GRXCR1: variants seen among roughly 807,000 people sequenced by gnomAD.
GRXCR1 encodes the protein glutaredoxin domain-containing cysteine-rich protein 1.
Under a neutral mutation model 27.3 loss-of-function variants are expected in GRXCR1, and 27 were observed. The ratio of observed to expected loss-of-function variants is 0.99; its 90% CI spans 0.73 to 1.37. The LOEUF (loss-of-function observed/expected upper bound fraction) is 1.37. GRXCR1 is among the 40% of genes most tolerant of loss of function. The probability of loss-of-function intolerance (pLI) is 0.00; values close to 1 mark genes in which losing one functional copy is unlikely to be tolerated. For missense variants in GRXCR1, 379 were observed against 354.4 expected, an observed-to-expected ratio of 1.07 and a Z score of -0.56; for synonymous variants, 122 against 131.1, an observed-to-expected ratio of 0.93 and a Z score of 0.47.
At chr4:43,021,616 A>G (rs1713095122) in intron 3 of GRXCR1, among the ~76,000 whole-genome samples, 1 of 152,200 alleles carries the variant, frequency 6.6e-6, no homozygotes, top group African/African-American at 2.4e-5. Context: ...GCAGACCTAT[A>G]GAAATAACTC....
rs1264434684 is a variant in GRXCR1 at position 42,963,042 on chromosome 4, G to A, written c.535G>A (p.Gly179Ser). The A allele has an allele frequency of 1.2e-6, 2 of 1,612,864 alleles. No homozygotes were observed. Among genetic ancestry groups the A allele is most frequent in the Admixed American group, 1.7e-5 (1 of 59,926 alleles). Residue 179 changes from glycine (G) to serine (S), a missense_variant, in exon 2 of 4, where the codon GGT becomes AGT. Physicochemically the swap from Gly to Ser is moderately conservative, Grantham distance 56 (BLOSUM62 0). Transcript: ENST00000399770. ...KFEEKNIALN[G>S]EYGKELDERC... ...TGAAGAGAAAAACATAGCCCTGAAT[G>A]GTGAATATGGAAAAGAGTTAGACGA...
intron 1 of GRXCR1, among the ~76,000 whole-genome samples, chr4:42,906,050 C>T (rs1165699413): frequency 6.6e-6 from 1 of 152,098 alleles, no homozygotes; most frequent in African/African-American, 2.4e-5. Context: ...TTTTTTCTGC[C>T]TGTCCTTGAG....
chr4:43,017,193 G>A (rs546737935), intron 2 of GRXCR1, among the ~76,000 whole-genome samples: 52 of 152,342 alleles, frequency 3.4e-4, no homozygotes, highest in African/African-American at 1.2e-3. Context: ...AGTCACTGCA[G>A]TGAAAGCCTT....
intron 1 of GRXCR1, among the ~76,000 whole-genome samples, chr4:42,945,473 C>G (rs542954602): frequency 5.3e-5 from 8 of 152,162 alleles, no homozygotes; most frequent in African/African-American, 1.7e-4. Context: ...TTCTTCCTTA[C>G]CTTTGGGAGT....
Position 42,901,083 on chromosome 4 carries a change from A to G in GRXCR1, c.384+7433A>G, listed in dbSNP as rs1236115284. On this transcript the variant is annotated intron_variant, in intron 1 of 3. Coordinates refer to ENST00000399770, the MANE Select transcript of GRXCR1 (RefSeq NM_001080476.3). ...GTCCCAAGTAAATATCCCCTTTTTA[A>G]GGACCCAAGACTCATGATTTCTCCC... 2.6e-5 allele frequency among the ~76,000 whole-genome samples: 4 copies of G among 152,150 alleles called. 1 individual carries two copies. Among genetic ancestry groups the G allele is most frequent in the Non-Finnish European group, 5.9e-5 (4 of 68,042 alleles).
chr4:43,021,058 A>C (rs1713077927), intron 3 of GRXCR1, among the ~76,000 whole-genome samples: 1 of 152,188 alleles, frequency 6.6e-6, no homozygotes, highest in African/African-American at 2.4e-5. Flanking sequence ...CTGGGACAGC[A>C]AATGTGAAAC....
intron 2 of GRXCR1, among the ~76,000 whole-genome samples, chr4:43,018,576 A>T (rs747919725): frequency 6.6e-6 from 1 of 152,294 alleles, no homozygotes; most frequent in Non-Finnish European, 1.5e-5. Flanking sequence ...TGACTAAGAC[A>T]CAATGCTATC....
intron 1 of GRXCR1, among the ~76,000 whole-genome samples, chr4:42,932,613 TATATATAGAGAGAG>T (rs1174951303): frequency 1.5e-3 from 58 of 39,294 alleles, no homozygotes; most frequent in South Asian, 3.9e-3. Flanking sequence ...TATATATATA[TATATATAGAGAGAG>T]AGAGAGAGAG....
chr4:42,961,716 T>C (rs1197274223), intron 1 of GRXCR1, among the ~76,000 whole-genome samples: 1 of 152,000 alleles, frequency 6.6e-6, no homozygotes, highest in Non-Finnish European at 1.5e-5. Flanking sequence ...AAAAATTCTC[T>C]CTCCATAAGG....
At chr4:42,935,777 T>A (rs1303791638) in intron 1 of GRXCR1, among the ~76,000 whole-genome samples, 1 of 151,914 alleles carries the variant, frequency 6.6e-6, no homozygotes, top group Non-Finnish European at 1.5e-5. Context: ...TCTTTTTGAA[T>A]AATCTTAATG....
chr4:42,990,138 T>C (rs1190182081), intron 2 of GRXCR1, among the ~76,000 whole-genome samples: 1 of 150,106 alleles, frequency 6.7e-6, no homozygotes, highest in Non-Finnish European at 1.5e-5. Flanking sequence ...ACTTTTGATG[T>C]TCATTGTGCA....
chr4:42,910,330 G>A lies in GRXCR1; in HGVS notation c.384+16680G>A, dbSNP rs184531291. On this transcript the variant is annotated intron_variant, in intron 1 of 3. Transcript: ENST00000399770. ...TATTGATTACTGCTATGAACCACATGGATTTGATCCTGCGTCTCTCCAGGG... is the reference window on the plus strand; with the variant it reads ...TATTGATTACTGCTATGAACCACATAGATTTGATCCTGCGTCTCTCCAGGG... Among the ~76,000 whole-genome samples the A allele has an allele frequency of 9.9e-4, 151 of 152,252 alleles. 1 individual carries two copies. The highest frequency in any genetic ancestry group is 3.5e-3 in the African/African-American group (144 of 41,558).
At position 43,015,252 on chromosome 4, in the gene GRXCR1, G is replaced by A. The variant is rs548240572; in HGVS notation, c.628-5102G>A. On this transcript the variant is annotated intron_variant, in intron 2 of 3. Transcript: ENST00000399770. Reference sequence around the variant, plus strand: ...ACACTTGTAGGCCATGCTAAAAAGAGTTTGGGTTTTACCCTAATCACTAGA... The same window carrying A: ...ACACTTGTAGGCCATGCTAAAAAGAATTTGGGTTTTACCCTAATCACTAGA... Among the ~76,000 whole-genome samples, 5 of 152,226 alleles carry A rather than the reference G, an allele frequency of 3.3e-5. No individual in the cohort carries two copies. In the South Asian group the frequency reaches 8.3e-4, roughly 25 times the overall value.
At chr4:42,949,611 G>C (rs61248223) in intron 1 of GRXCR1, among the ~76,000 whole-genome samples, 41,907 of 151,936 alleles carry the variant, frequency 0.28, 6,427 homozygotes, top group African/African-American at 0.41. Flanking sequence ...GATAATAACA[G>C]TACCTACCTT....
intron 1 of GRXCR1, among the ~76,000 whole-genome samples, chr4:42,895,883 T>C (rs926517311): frequency 2.0e-5 from 3 of 152,092 alleles, no homozygotes; most frequent in Non-Finnish European, 4.4e-5. Context: ...TTTCCCCCTA[T>C]ATATTTTCCA....
At chr4:42,944,989 A>T (rs746698815) in intron 1 of GRXCR1, among the ~76,000 whole-genome samples, 19 of 152,136 alleles carry the variant, frequency 1.2e-4, no homozygotes, top group Non-Finnish European at 2.5e-4. Flanking sequence ...AGTGTCTCCC[A>T]AGGTCATGGT....
At position 42,963,129 on chromosome 4, in the gene GRXCR1, C is replaced by T. The variant is rs755984447; in HGVS notation, c.622C>T (p.Leu208Phe). ...TGTTGTGTTCATTGATGGCCATTAC[C>T]TTGGGGTAAGTAAGCTGCCCAGGAA... ...LPVVFIDGHYLGGAEKILSMN... is the reference protein window; with the variant it reads ...LPVVFIDGHYFGGAEKILSMN... Residue 208 changes from leucine to phenylalanine, a missense_variant, in exon 2 of 4, where the codon CTT becomes TTT. Transcript: ENST00000399770. 1.2e-6 allele frequency: 2 copies of T among 1,612,442 alleles called. No homozygotes were observed. The highest frequency in any genetic ancestry group is 1.1e-5 in the South Asian group (1 of 91,054).
Position 43,020,406 on chromosome 4 carries a change from T to C in GRXCR1, c.680T>C (p.Leu227Pro). Residue 227 changes from leucine (L) to proline (P), a missense_variant, in exon 3 of 4, where the codon CTA becomes CCA. Transcript: ENST00000399770. The stretch of plus-strand genomic sequence containing the variant: ...GAATCAGGAGAACTGCAAGACATCC[T>C]AACCAAAATTGAGGTAAATGTGCTT... Reference protein sequence around the residue: ...MNESGELQDILTKIERVQHPH... With the variant: ...MNESGELQDIPTKIERVQHPH... 1 of 1,608,484 alleles carries C rather than the reference T, an allele frequency of 6.2e-7. No individual in the cohort carries two copies. Among genetic ancestry groups the C allele is most frequent in the Non-Finnish European group, 8.5e-7 (1 of 1,174,944 alleles).
intron 1 of GRXCR1, among the ~76,000 whole-genome samples, chr4:42,911,413 G>A (rs1039992378): frequency 1.3e-5 from 2 of 152,054 alleles, no homozygotes; most frequent in Non-Finnish European, 2.9e-5. Context: ...GAATTCAGTA[G>A]AGATAAGACA....
Sources: allele counts gnomAD v4.1 joint callset (sites outside exome capture counted in the v4.1 genomes callset), GRCh38; gene constraint gnomAD v4.1.1; transcripts MANE v1.5; gene names NCBI Gene and HGNC (gene_info 2026-07-23, HGNC 2026-07-21).